Variants in LOC400499 observed in about 807,000 individuals in gnomAD.
At chr16:11,466,414 G>A in the LOC400499 span, among the ~76,000 whole-genome samples, 1 of 151,182 alleles carries the variant, frequency 6.6e-6, no homozygotes, top group Non-Finnish European at 1.5e-5. Context: ...TTGAGATGGA[G>A]TCTCGCTCTG....
At chr16:11,453,482 G>A in the LOC400499 span, among the ~76,000 whole-genome samples, 1 of 152,080 alleles carries the variant, frequency 6.6e-6, no homozygotes, top group African/African-American at 2.4e-5. Flanking sequence ...CTGAAATTCT[G>A]TAACTTATAC....
chr16:11,438,149 A>G, the LOC400499 span, among the ~76,000 whole-genome samples: 1 of 152,136 alleles, frequency 6.6e-6, no homozygotes, highest in Non-Finnish European at 1.5e-5. Flanking sequence ...GCTAATCCAC[A>G]AAGAGGGTTT....
the LOC400499 span, among the ~76,000 whole-genome samples, chr16:11,512,353 C>G: frequency 6.6e-6 from 1 of 152,056 alleles, no homozygotes. Flanking sequence ...AGTCCCAGCA[C>G]TTTGGGAGGC....
the LOC400499 span, among the ~76,000 whole-genome samples, chr16:11,406,069 G>A: frequency 2.0e-5 from 3 of 151,910 alleles, no homozygotes; most frequent in Admixed American, 1.3e-4. Context: ...TTGTTACATA[G>A]GTATATTGTG....
At chr16:11,414,649 G>A in the LOC400499 span, 14 of 397,940 alleles carry the variant, frequency 3.5e-5, no homozygotes, top group South Asian at 1.4e-4. Context: ...CTGCCACAGC[G>A]TGGGTGCTGG....
chr16:11,384,894 G>A, the LOC400499 span: 19 of 1,232,290 alleles, frequency 1.5e-5, no homozygotes, highest in Non-Finnish European at 1.6e-5. Flanking sequence ...CCACCGTGCT[G>A]CCAGAGGCCC....
chr16:11,441,497 C>A, the LOC400499 span, among the ~76,000 whole-genome samples: 2 of 152,210 alleles, frequency 1.3e-5, no homozygotes, highest in Non-Finnish European at 2.9e-5. Context: ...ATGAGTAACT[C>A]ATAGTGGAGC....
At chr16:11,500,489 C>T in the LOC400499 span, among the ~76,000 whole-genome samples, 20 of 133,420 alleles carry the variant, frequency 1.5e-4, no homozygotes, top group Non-Finnish European at 2.7e-4. Flanking sequence ...CCAGCTTGGG[C>T]GACAGAGCAA....
At chr16:11,427,504 C>G in the LOC400499 span, among the ~76,000 whole-genome samples, 11 of 151,912 alleles carry the variant, frequency 7.2e-5, no homozygotes, top group Admixed American at 2.6e-4. Context: ...GAATGCAGTG[C>G]CACAATCATG....
At chr16:11,380,008 A>C in the LOC400499 span, among the ~76,000 whole-genome samples, 3 of 152,254 alleles carry the variant, frequency 2.0e-5, no homozygotes, top group Admixed American at 6.5e-5. Flanking sequence ...CCCAGGCTGG[A>C]GTGCAGTGGC....
the LOC400499 span, among the ~76,000 whole-genome samples, chr16:11,395,089 TG>T: frequency 6.6e-6 from 1 of 152,110 alleles, no homozygotes; most frequent in South Asian, 2.1e-4. Flanking sequence ...GCCAGGCAGG[TG>T]GGGGCAGGGG....
the LOC400499 span, among the ~76,000 whole-genome samples, chr16:11,505,190 G>A: frequency 6.6e-6 from 1 of 150,838 alleles, no homozygotes; most frequent in African/African-American, 2.4e-5. Flanking sequence ...TTTGCCGATC[G>A]TCATGGTGTA....
the LOC400499 span, among the ~76,000 whole-genome samples, chr16:11,498,639 C>T: frequency 1.3e-5 from 2 of 151,990 alleles, no homozygotes; most frequent in Non-Finnish European, 2.9e-5. Context: ...CCAGAACCTG[C>T]CAGGGCTCAT....
the LOC400499 span, chr16:11,442,082 G>A: frequency 6.6e-6 from 1 of 152,186 alleles, no homozygotes; most frequent in Non-Finnish European, 1.5e-5. Context: ...AGTTAAAAAT[G>A]CCTGCCAAGG....
chr16:11,498,619 C>T, the LOC400499 span, among the ~76,000 whole-genome samples: 1 of 152,138 alleles, frequency 6.6e-6, no homozygotes, highest in Non-Finnish European at 1.5e-5. Context: ...TTCACGAACC[C>T]GGTGCATTCC....
At chr16:11,383,746 A>T in the LOC400499 span, 1 of 1,232,280 alleles carries the variant, frequency 8.1e-7, no homozygotes, top group Non-Finnish European at 1.0e-6. Context: ...GCCACAGGGG[A>T]CCTGCACACA....
the LOC400499 span, among the ~76,000 whole-genome samples, chr16:11,508,179 G>A: frequency 6.6e-6 from 1 of 152,088 alleles, no homozygotes; most frequent in Non-Finnish European, 1.5e-5. Flanking sequence ...TCTTACATGT[G>A]GGTTCAGGGC....
chr16:11,374,780 G>A, the LOC400499 span, among the ~76,000 whole-genome samples: 31 of 152,128 alleles, frequency 2.0e-4, no homozygotes, highest in African/African-American at 4.3e-4. Flanking sequence ...TATGAACATC[G>A]GTGTATAAAT....
At chr16:11,418,052 G>A in the LOC400499 span, among the ~76,000 whole-genome samples, 22,705 of 152,132 alleles carry the variant, frequency 0.15, 2,199 homozygotes, top group African/African-American at 0.28. Flanking sequence ...TAGAGAAAAC[G>A]CGGAGAAACC....
Sources: gnomAD v4.1 joint callset for allele counts (sites outside exome capture counted in the v4.1 genomes callset) on GRCh38, gnomAD v4.1.1 for gene constraint, MANE v1.5 for transcripts.